SPTBN2: variants seen among roughly 807,000 people sequenced by gnomAD.
SPTBN2 encodes spectrin beta chain, non-erythrocytic 2.
Under a neutral mutation model 284.2 loss-of-function variants are expected in SPTBN2, and 107 were observed. The ratio of observed to expected loss-of-function variants is 0.38; its 90% CI spans 0.32 to 0.44. SPTBN2 has a LOEUF of 0.44. Ranked by LOEUF, SPTBN2 falls within the 20% of genes least tolerant of loss-of-function variation. The probability of loss-of-function intolerance (pLI) is 1.00; values close to 1 mark genes in which losing one functional copy is unlikely to be tolerated. For synonymous variants in SPTBN2, 1,289 were observed against 1,354.8 expected, an observed-to-expected ratio of 0.95 and a Z score of 1.07; for missense variants, 2,569 against 3,287.1, an observed-to-expected ratio of 0.78 and a Z score of 5.34.
Position 66,694,127 on chromosome 11 carries a change from CCAGT to C in SPTBN2, c.4503+8_4503+11del. 3.7e-6 allele frequency: 6 copies of C among 1,603,246 alleles called. No individual in the cohort carries two copies. The highest frequency in any genetic ancestry group is 5.1e-6 in the Non-Finnish European group (6 of 1,179,976). On this transcript the variant is annotated splice_region_variant and intron_variant, in intron 22 of 37. Coordinates refer to ENST00000533211, the MANE Select transcript of SPTBN2 (RefSeq NM_006946.4). Reference sequence around the variant, plus strand: ...TGGGGGCAGCTTGCCGTCCTTGGCCCCAGTGACTCACAATCTCATCTTCCACATC... The same window carrying C: ...TGGGGGCAGCTTGCCGTCCTTGGCCCGACTCACAATCTCATCTTCCACATC...
chr11:66,707,588 G>A lies in SPTBN2; in HGVS notation c.1581C>T (p.Leu527=), dbSNP rs1276304620. ...CCTTCTGCAGCTCCAGGTTGAGGAG[G>A]AGCCGCTCCCGCCGGGCGGCCACCA... The part of the protein sequence containing the change: ...RQMVAARRER[L]LLNLELQKVF... Residue 527 remains leucine, a synonymous_variant, in exon 13 of 38, where the codon CTC becomes CTT. Coordinates refer to ENST00000533211, the MANE Select transcript of SPTBN2 (RefSeq NM_006946.4). The surrounding 1 kb of genome is among the most constrained non-coding windows in gnomAD (Gnocchi z 4.9). The A allele has an allele frequency of 1.9e-6, 3 of 1,612,084 alleles. No homozygotes were observed. Among genetic ancestry groups the A allele is most frequent in the Admixed American group, 1.7e-5 (1 of 60,000 alleles).
chr11:66,693,071 C>G lies in SPTBN2; in HGVS notation c.4884G>C (p.Lys1628Asn). The G allele has an allele frequency of 6.2e-7, 1 of 1,614,122 alleles. No homozygotes were observed. The highest frequency in any genetic ancestry group is 8.5e-7 in the Non-Finnish European group (1 of 1,180,036). ...GGGCTTGCTCCAGCACCTGGTGCTT[C>G]TTCACCTCTGCCTGGGCACTCAGCT... is the stretch of plus-strand genomic sequence containing the variant. ...KDELSAQAEV[K>N]KHQVLEQALA... Residue 1628 changes from lysine to asparagine, a missense_variant, in exon 25 of 38, where the codon AAG becomes AAC. By Grantham distance (94) the Lys-to-Asn change is moderately conservative (BLOSUM62 0). Transcript: ENST00000533211. The surrounding 1 kb of genome is among the most constrained non-coding windows in gnomAD (Gnocchi z 5.7).
rs375642527 is a variant in SPTBN2, at chr11:66,689,947, G to C, written c.5811-4C>G. The C allele has an allele frequency of 2.7e-5, 44 of 1,613,662 alleles. No homozygotes were observed. The highest frequency in any genetic ancestry group is 5.0e-5 in the Admixed American group (3 of 59,990). On this transcript the variant is annotated splice_polypyrimidine_tract_variant and splice_region_variant and intron_variant, in intron 28 of 37. Coordinates refer to ENST00000533211, the MANE Select transcript of SPTBN2 (RefSeq NM_006946.4). ...TAGATCCGCGGAGGACACATCCCTG[G>C]GGGGAGGCAGAAACAGCATCACCTG...
intron 8 of SPTBN2, chr11:66,712,624 C>T (rs1163086305): frequency 1.3e-5 from 2 of 151,976 alleles, no homozygotes; most frequent in Non-Finnish European, 2.9e-5. Context: ...CCACAGGAAC[C>T]AATCAGCAAG....
Position 66,689,819 on chromosome 11 carries a change from A to G in SPTBN2, c.5935T>C (p.Tyr1979His). The G allele has an allele frequency of 1.9e-6, 3 of 1,613,876 alleles. No individual in the cohort carries two copies. Among genetic ancestry groups the G allele is most frequent in the South Asian group, 2.2e-5 (2 of 91,066 alleles). Residue 1979 changes from tyrosine to histidine, a missense_variant, in exon 29 of 38, where the codon TAT (tyrosine) becomes CAT (histidine). Coordinates refer to ENST00000533211, the MANE Select transcript of SPTBN2 (RefSeq NM_006946.4). ...GCCTCACCCACCTCCTCGGCCGCAT[A>G]GTGGCTCCTGGCCAGCAGCTCCTTC... is the stretch of plus-strand genomic sequence containing the variant. The part of the protein sequence containing the change: ...MGKELLARSH[Y>H]AAEEISEKLS...
At position 66,688,226 on chromosome 11, in the gene SPTBN2, C is replaced by T. The variant is rs1442368880; in HGVS notation, c.6317G>A (p.Ser2106Asn). ...KQPPAPEPTA[S>N]VPPGDLVGGQ... ...GCCCACCAGGTCCCCTGGAGGCACA[C>T]TGGCTGTGGGTTCGGGAGCAGGCGG... The change falls in exon 32 of 38, where the codon AGT becomes AAT. Residue 2106 changes from serine to asparagine, a missense_variant. This residue lies in a region of SPTBN2 where 1,130 missense variants were observed against 1,317.3 expected (regional missense o/e 0.86). Transcript: ENST00000533211. The T allele has an allele frequency of 6.2e-7, 1 of 1,613,834 alleles. No homozygotes were observed. Among genetic ancestry groups the T allele is most frequent in the South Asian group, 1.1e-5 (1 of 91,088 alleles).
rs368438742 is a variant in SPTBN2 at position 66,710,753 on chromosome 11, A to G, written c.902T>C (p.Met301Thr). The change falls in exon 10 of 38, where the codon ATG becomes ACG. Residue 301 changes from methionine (M) to threonine (T), a missense_variant. By Grantham distance (81) the Met-to-Thr change is moderately conservative. Around this residue, in one of 6 missense-constraint regions of SPTBN2, gnomAD observed 304 missense variants for 522.1 expected, o/e 0.58. Transcript: ENST00000533211. The surrounding 1 kb of genome is among the most constrained non-coding windows in gnomAD (Gnocchi z 4.9). ...KRIGKVLDHA[M>T]EAERLVEKYE... ...TTTCTCCACCAGGCGCTCTGCCTCC[A>G]TGGCATGGTCCAGCACCTGGGAGGC... The G allele has an allele frequency of 1.3e-5, 21 of 1,613,884 alleles. No individual in the cohort carries two copies. In the African/African-American group the frequency reaches 1.3e-4, roughly 10 times the overall value.
chr11:66,724,541 T>C (rs1942545114), intron 1 of SPTBN2, among the ~76,000 whole-genome samples: 1 of 152,208 alleles, frequency 6.6e-6, no homozygotes, highest in African/African-American at 2.4e-5. Context: ...GCCTCATATT[T>C]TTGTACTCCA....
In SPTBN2 at chr11:66,684,202, G is replaced by A. The variant is rs182636663; in HGVS notation, c.*1669C>T. On this transcript the variant is annotated 3_prime_UTR_variant, in exon 38 of 38. Coordinates refer to ENST00000533211, the MANE Select transcript of SPTBN2 (RefSeq NM_006946.4). ...TGTATAGGAAACAATGAAAGAACAC[G>A]CTTTTCCTGTTGGAGGCCACCAAGG... Among the ~76,000 whole-genome samples, 3 of 152,302 alleles carry A rather than the reference G, an allele frequency of 2.0e-5. No homozygotes were observed. The highest frequency in any genetic ancestry group is 1.9e-4 in the East Asian group (1 of 5,184).
rs1189547617 is a variant in SPTBN2, at chr11:66,707,348, C to T, written c.1653+168G>A. Among the ~76,000 whole-genome samples, 1 of 152,236 alleles carries T rather than the reference C, an allele frequency of 6.6e-6. No individual in the cohort carries two copies. The highest frequency in any genetic ancestry group is 1.5e-5 in the Non-Finnish European group (1 of 68,046). The stretch of plus-strand genomic sequence containing the variant: ...TCAGCCTCCTCCATGTGGACACGAA[C>T]CCCATGTGGACAGGGCCCTGTTTAC... On this transcript the variant is annotated intron_variant, in intron 13 of 37. Coordinates refer to ENST00000533211, the MANE Select transcript of SPTBN2 (RefSeq NM_006946.4). This position sits in a 1 kb window ranked among gnomAD's most constrained non-coding sequence, Gnocchi z 4.9.
chr11:66,705,659 T>C (rs1459154390), intron 14 of SPTBN2, 25 bp downstream of exon 14: 1 of 1,609,002 alleles, frequency 6.2e-7, no homozygotes, highest in Non-Finnish European at 8.5e-7. Flanking sequence ...CCCCTCCCTC[T>C]CCAGTGCCTT....
At position 66,700,457 on chromosome 11, in the gene SPTBN2, C is replaced by T; in HGVS notation, c.3573+69G>A. 1 of 1,592,516 alleles carries T rather than the reference C, an allele frequency of 6.3e-7. No individual in the cohort carries two copies. The highest frequency in any genetic ancestry group is 1.1e-5 in the South Asian group (1 of 90,568). ...TAGCATGTCCTTCCTGCCCATCCTG[C>T]TCCTTCACATTTCCCCGGGTCCCTA... On this transcript the variant is annotated intron_variant, in intron 17 of 37. Transcript: ENST00000533211. The surrounding 1 kb of genome is among the most constrained non-coding windows in gnomAD (Gnocchi z 6.6).
upstream of SPTBN2, among the ~76,000 whole-genome samples, chr11:66,733,657 C>T (rs527993491): frequency 3.3e-5 from 5 of 152,174 alleles, no homozygotes; most frequent in African/African-American, 1.2e-4. Context: ...ATTTGGAATA[C>T]ATCAGTGTAG....
At chr11:66,698,873 G>T in intron 19 of SPTBN2, 88 bp from the exon 20 acceptor site, 1 of 1,598,780 alleles carries the variant, frequency 6.3e-7, no homozygotes, top group East Asian at 2.2e-5. Context: ...AGAAGTGGGC[G>T]CCTTGGGAAG....
chr11:66,688,007 T>G lies in SPTBN2; in HGVS notation c.6447A>C (p.Ser2149=). 6.2e-7 allele frequency: 1 copy of G among 1,614,198 alleles called. No homozygotes were observed. The highest frequency in any genetic ancestry group is 8.5e-7 in the Non-Finnish European group (1 of 1,180,022). ...VNGVCTDGEP[S]QPLLGQQRLE... ...CACAGAGGGACAGTGGGGTCACCTGTGAGGGCTCTCCATCTGTGCAGACTC... is the reference window on the plus strand; with the variant it reads ...CACAGAGGGACAGTGGGGTCACCTGGGAGGGCTCTCCATCTGTGCAGACTC... Residue 2149 remains serine (S), a synonymous_variant, in exon 33 of 38, where the codon TCA becomes TCC. Coordinates refer to ENST00000533211, the MANE Select transcript of SPTBN2 (RefSeq NM_006946.4).
chr11:66,685,576 C>T lies in SPTBN2; in HGVS notation c.*295G>A. 1 of 427,376 alleles carries T rather than the reference C, an allele frequency of 2.3e-6. No homozygotes were observed. Among genetic ancestry groups the T allele is most frequent in the Admixed American group, 3.5e-5 (1 of 28,472 alleles). The allele number at this position is 427,376 out of a possible 1,614,324, so 26.5% of individuals were successfully genotyped here. A position where few individuals can be genotyped will look rare whatever the true frequency, so the allele number is the denominator to read the frequency against. On this transcript the variant is annotated 3_prime_UTR_variant, in exon 38 of 38. Transcript: ENST00000533211. The surrounding 1 kb of genome is among the most constrained non-coding windows in gnomAD (Gnocchi z 4.4). Reference sequence around the variant, plus strand: ...CATGGCCTATGTTGAGGGTGCGGCACTGTCCACACCGTGGTGAGGGACAGA... The same window carrying T: ...CATGGCCTATGTTGAGGGTGCGGCATTGTCCACACCGTGGTGAGGGACAGA...
At position 66,687,184 on chromosome 11, in the gene SPTBN2, G is replaced by A. The variant is rs781030083; in HGVS notation, c.6723-17C>T. 1 of 1,613,174 alleles carries A rather than the reference G, an allele frequency of 6.2e-7. No individual in the cohort carries two copies. Among genetic ancestry groups the A allele is most frequent in the Non-Finnish European group, 8.5e-7 (1 of 1,179,956 alleles). Reference sequence around the variant, plus strand: ...TGCCAGGACCTGCGAGGGACGCGGTGCTGACTGGCCGGCCTCAGTGGCGCC... The same window carrying A: ...TGCCAGGACCTGCGAGGGACGCGGTACTGACTGGCCGGCCTCAGTGGCGCC... On this transcript the variant is annotated splice_polypyrimidine_tract_variant and intron_variant, in intron 35 of 37. Transcript: ENST00000533211. The surrounding 1 kb of genome is among the most constrained non-coding windows in gnomAD (Gnocchi z 5.2).
At position 66,692,532 on chromosome 11, in the gene SPTBN2, T is replaced by G. The variant is rs997779962; in HGVS notation, c.5190+4A>C. On this transcript the variant is annotated splice_donor_region_variant and intron_variant, in intron 26 of 37. Coordinates refer to ENST00000533211, the MANE Select transcript of SPTBN2 (RefSeq NM_006946.4). Reference sequence around the variant, plus strand: ...TCTGAGCTGGGTGCCCTCCCTACACTCACAGTCACATGCTCGTAGTCCTGG... The same window carrying G: ...TCTGAGCTGGGTGCCCTCCCTACACGCACAGTCACATGCTCGTAGTCCTGG... 1.9e-6 allele frequency: 3 copies of G among 1,601,314 alleles called. No individual in the cohort carries two copies. In the African/African-American group the frequency reaches 4.0e-5, roughly 21 times the overall value.
At chr11:66,689,635 G>A (rs1030645162) in intron 29 of SPTBN2, among the ~76,000 whole-genome samples, 170 bp downstream of exon 29, 8 of 152,240 alleles carry the variant, frequency 5.3e-5, no homozygotes, top group African/African-American at 1.9e-4. Flanking sequence ...TCAAGAGGCA[G>A]ACGGTTCTGG....
Sources: gnomAD v4.1 joint callset for allele counts (sites outside exome capture counted in the v4.1 genomes callset) on GRCh38, gnomAD v4.1.1 for gene constraint, gnomAD v4.1.1 regional missense constraint, Gnocchi (gnomAD v3.1) non-coding constraint, MANE v1.5 for transcripts, NCBI Gene and HGNC (gene_info 2026-07-23, HGNC 2026-07-21) for gene names.